The following NIPAL2 variants were observed in gnomAD, a reference collection of about 807,000 sequenced individuals.
NIPAL2 encodes the protein NIPA-like protein 2.
Under a neutral mutation model 48.9 loss-of-function variants are expected in NIPAL2, and 43 were observed. The observed-to-expected ratio is 0.88, with a 90% CI of 0.69 to 1.13. NIPAL2 has a LOEUF of 1.13. Ranked by LOEUF, NIPAL2 falls within the 50% of genes most tolerant of loss-of-function variation. The pLI, the probability that NIPAL2 is intolerant of heterozygous loss-of-function variation, is 0.00. For synonymous variants in NIPAL2, 167 were observed against 174.6 expected (o/e 0.96, Z 0.34); for missense variants, 446 against 461.4 (o/e 0.97, Z 0.31).
At chr8:98,206,615 T>C (rs573406868) in intron 6 of NIPAL2, among the ~76,000 whole-genome samples, 134 of 151,948 alleles carry the variant, frequency 8.8e-4, no homozygotes, top group Non-Finnish European at 1.1e-3. Context: ...AGTGAAACCC[T>C]GTCTCTACTA....
At chr8:98,218,753 A>G (rs937372864) in intron 5 of NIPAL2, among the ~76,000 whole-genome samples, 1 of 152,184 alleles carries the variant, frequency 6.6e-6, no homozygotes, top group Non-Finnish European at 1.5e-5. Context: ...AGCCATGCCC[A>G]TGAGGGTGAG....
intron 5 of NIPAL2, among the ~76,000 whole-genome samples, chr8:98,217,905 C>A (rs1400336038): frequency 6.6e-6 from 1 of 152,024 alleles, no homozygotes; most frequent in Non-Finnish European, 1.5e-5. Flanking sequence ...ACGGGAATTC[C>A]TTTCTCTAAA....
At chr8:98,193,856 A>G (rs556875795) in intron 10 of NIPAL2, among the ~76,000 whole-genome samples, 111 of 152,276 alleles carry the variant, frequency 7.3e-4, no homozygotes, top group African/African-American at 2.6e-3. Flanking sequence ...CTCTAACCAT[A>G]TAAGGCTTCT....
intron 1 of NIPAL2, among the ~76,000 whole-genome samples, chr8:98,291,925 T>G (rs1816509178): frequency 1.3e-5 from 2 of 152,258 alleles, no homozygotes; most frequent in African/African-American, 4.8e-5. Context: ...AAGTGGCCAC[T>G]GTTAAACATG....
At chr8:98,223,933 A>G (rs563887316) in intron 4 of NIPAL2, among the ~76,000 whole-genome samples, 36 of 152,250 alleles carry the variant, frequency 2.4e-4, no homozygotes, top group Non-Finnish European at 5.0e-4. Flanking sequence ...AAAAAATTAC[A>G]TAATTGTTCA....
chr8:98,206,316 G>GTATATA (rs1554561615), intron 6 of NIPAL2, among the ~76,000 whole-genome samples: 2 of 147,578 alleles, frequency 1.4e-5, no homozygotes, highest in African/African-American at 5.2e-5. Flanking sequence ...GTGTGTGTGT[G>GTATATA]TATATATATA....
chr8:98,286,965 A>G (rs868107081), intron 1 of NIPAL2, among the ~76,000 whole-genome samples: 2 of 152,174 alleles, frequency 1.3e-5, no homozygotes, highest in South Asian at 4.1e-4. Flanking sequence ...GCCTCATGCA[A>G]TTAGGACGCT....
Position 98,192,840 on chromosome 8 carries a change from C to T in NIPAL2, c.*138G>A, listed in dbSNP as rs1810359168. The T allele has an allele frequency of 7.8e-6, 5 of 640,584 alleles. No homozygotes were observed. The highest frequency in any genetic ancestry group is 2.7e-5 in the East Asian group (1 of 36,782). 39.7% of individuals were successfully genotyped at this position (640,584 alleles called of 1,614,324 possible). A position where few individuals can be genotyped will look rare whatever the true frequency, so the allele number is the denominator to read the frequency against. ...TAGGAAGTCCCCGATTGTCCATAGA[C>T]GCTGAGGTGGGGGAAAGGACTGAAA... On this transcript the variant is annotated 3_prime_UTR_variant, in exon 11 of 11. Transcript: ENST00000430223.
At chr8:98,211,433 T>C (rs1200637129) in intron 6 of NIPAL2, among the ~76,000 whole-genome samples, 1 of 152,126 alleles carries the variant, frequency 6.6e-6, no homozygotes, top group Non-Finnish European at 1.5e-5. Flanking sequence ...TAGCACAGAG[T>C]ACATCTGTTT....
intron 5 of NIPAL2, chr8:98,216,924 A>G (rs908367070): frequency 4.2e-6 from 2 of 473,518 alleles, no homozygotes; most frequent in Non-Finnish European, 2.8e-6. Context: ...AAGCCTGGGC[A>G]TGTAGGATTA....
At chr8:98,232,210 A>T (rs1433440694) in intron 4 of NIPAL2, among the ~76,000 whole-genome samples, 1 of 152,214 alleles carries the variant, frequency 6.6e-6, no homozygotes, top group Non-Finnish European at 1.5e-5. Context: ...AGGCAAGGGT[A>T]TAGAATAGGT....
intron 1 of NIPAL2, among the ~76,000 whole-genome samples, chr8:98,260,161 C>A (rs138139244): frequency 6.6e-6 from 1 of 152,108 alleles, no homozygotes. Flanking sequence ...GACCAAAAGG[C>A]GCTGTTCCAA....
chr8:98,206,672 C>A (rs1275774062), intron 6 of NIPAL2, among the ~76,000 whole-genome samples: 1 of 151,138 alleles, frequency 6.6e-6, no homozygotes, highest in Non-Finnish European at 1.5e-5. Flanking sequence ...CCTGTATTCC[C>A]AGCTACTCGG....
At chr8:98,216,319 T>A (rs1172533353) in intron 5 of NIPAL2, among the ~76,000 whole-genome samples, 1 of 152,182 alleles carries the variant, frequency 6.6e-6, no homozygotes, top group African/African-American at 2.4e-5. Context: ...AACTTCCCCA[T>A]CTATCAGATG....
rs968430966 is a variant in NIPAL2, at chr8:98,212,001, C to T, written c.655+404G>A. Among the ~76,000 whole-genome samples, 5 of 152,166 alleles carry T rather than the reference C, an allele frequency of 3.3e-5. No homozygotes were observed. The East Asian group carries it at 7.7e-4, about 24-fold the overall frequency. On this transcript the variant is annotated intron_variant, in intron 6 of 10. Transcript: ENST00000430223. Reference sequence around the variant, plus strand: ...AATCATACTGCTTACATCTACATTTCGTATTAGTCATATTATAGAGTTTTT... The same window carrying T: ...AATCATACTGCTTACATCTACATTTTGTATTAGTCATATTATAGAGTTTTT...
At chr8:98,276,833 C>T (rs759885326) in intron 1 of NIPAL2, among the ~76,000 whole-genome samples, 10 of 150,312 alleles carry the variant, frequency 6.7e-5, no homozygotes, top group African/African-American at 1.7e-4. Context: ...AGTGCAGTTG[C>T]GCGATCTTGG....
chr8:98,265,616 A>C (rs920282306), intron 1 of NIPAL2, among the ~76,000 whole-genome samples: 2 of 137,252 alleles, frequency 1.5e-5, no homozygotes, highest in African/African-American at 5.6e-5. Flanking sequence ...GGCAATCATT[A>C]AAAAGTCAGG....
intron 10 of NIPAL2, among the ~76,000 whole-genome samples, chr8:98,194,386 C>T (rs888243162): frequency 2.6e-5 from 4 of 152,048 alleles, no homozygotes; most frequent in Non-Finnish European, 5.9e-5. Flanking sequence ...CTTGGATGTT[C>T]CTTCAAGGCT....
intron 1 of NIPAL2, among the ~76,000 whole-genome samples, chr8:98,268,910 G>C (rs1319489665): frequency 6.6e-6 from 1 of 152,158 alleles, no homozygotes; most frequent in African/African-American, 2.4e-5. Flanking sequence ...TACCAAAAAT[G>C]CTAATTATCA....
Sources: gnomAD v4.1 joint callset for allele counts (sites outside exome capture counted in the v4.1 genomes callset) on GRCh38, gnomAD v4.1.1 for gene constraint, MANE v1.5 for transcripts, NCBI Gene and HGNC (gene_info 2026-07-23, HGNC 2026-07-21) for gene names.